The following PAX7 variants were observed in gnomAD, a reference collection of about 807,000 sequenced individuals.
PAX7 encodes the protein paired box protein Pax-7.
A neutral mutation model predicts 50.7 loss-of-function variants in PAX7; 18 were observed. The ratio of observed to expected loss-of-function variants is 0.36; its 90% CI spans 0.25 to 0.53. The LOEUF is 0.53. Among genes scored for constraint, PAX7 ranks in the 20% least tolerant of loss-of-function variants. PAX7 has a pLI of 0.93. For missense variants in PAX7, 644 were observed against 702.9 expected, an observed-to-expected ratio of 0.92 and a Z score of 0.95; for synonymous variants, 310 against 290.4, an observed-to-expected ratio of 1.07 and a Z score of -0.69.
In PAX7 at chr1:18,631,580, G is replaced by T. The variant is rs1253511872; in HGVS notation, c.-24G>T. The T allele has an allele frequency of 6.2e-7, 1 of 1,605,496 alleles. No individual in the cohort carries two copies. The highest frequency in any genetic ancestry group is 8.5e-7 in the Non-Finnish European group (1 of 1,175,674). The stretch of plus-strand genomic sequence containing the variant: ...CGGGAAGCGATTTTTGCCGACTTTG[G>T]ATTCGTCCCCGGCGTGCGCAAGAAT... On this transcript the variant is annotated 5_prime_UTR_variant, in exon 1 of 9. Coordinates refer to ENST00000420770, the MANE Select transcript of PAX7 (RefSeq NM_001135254.2).
chr1:18,679,522 G>A (rs1175310148), intron 4 of PAX7, among the ~76,000 whole-genome samples: 2 of 152,320 alleles, frequency 1.3e-5, no homozygotes, highest in African/African-American at 2.4e-5. Context: ...TGCTGATTTT[G>A]AGACCTCTCC....
intron 7 of PAX7, among the ~76,000 whole-genome samples, chr1:18,711,110 G>A (rs1221918705): frequency 3.9e-5 from 6 of 152,144 alleles, no homozygotes; most frequent in Non-Finnish European, 1.5e-5. Context: ...AGGCCCCATG[G>A]GTAGAAGGAA....
intron 8 of PAX7, among the ~76,000 whole-genome samples, chr1:18,739,115 A>T (rs190909453): frequency 1.0e-3 from 158 of 152,322 alleles, no homozygotes; most frequent in East Asian, 2.1e-3. Context: ...GCACTGGGCA[A>T]AATGCATGCT....
intron 7 of PAX7, among the ~76,000 whole-genome samples, chr1:18,707,704 C>T (rs554288048): frequency 3.9e-5 from 6 of 152,112 alleles, no homozygotes; most frequent in Non-Finnish European, 8.8e-5. Context: ...GGATTACAGG[C>T]ATGAGCCACT....
chr1:18,699,010 C>G (rs936040510), intron 5 of PAX7, among the ~76,000 whole-genome samples: 5 of 152,226 alleles, frequency 3.3e-5, no homozygotes, highest in Middle Eastern at 3.2e-3. Flanking sequence ...CCTTCACCCC[C>G]CATCAGGATG....
chr1:18,739,287 G>A (rs879859560), intron 8 of PAX7, among the ~76,000 whole-genome samples: 3 of 152,220 alleles, frequency 2.0e-5, no homozygotes, highest in Non-Finnish European at 2.9e-5. Flanking sequence ...ACTGAGCAGC[G>A]ATACACACCT....
chr1:18,655,003 A>C (rs917772537), intron 4 of PAX7, among the ~76,000 whole-genome samples: 8 of 152,312 alleles, frequency 5.3e-5, no homozygotes, highest in African/African-American at 1.9e-4. Context: ...CTACAATGCC[A>C]CCGTGATATT....
At chr1:18,643,776 G>A (rs1160568074) in intron 4 of PAX7, among the ~76,000 whole-genome samples, 2 of 152,210 alleles carry the variant, frequency 1.3e-5, no homozygotes. Context: ...AGCACGTCCC[G>A]GCGGCTCGCT....
At chr1:18,652,530 G>A (rs1445119171) in intron 4 of PAX7, among the ~76,000 whole-genome samples, 2 of 152,220 alleles carry the variant, frequency 1.3e-5, no homozygotes, top group Non-Finnish European at 2.9e-5. Flanking sequence ...GGCTATCAGG[G>A]AGGCCTGCCA....
chr1:18,719,743 T>C (rs2089472038), intron 7 of PAX7, among the ~76,000 whole-genome samples: 1 of 152,186 alleles, frequency 6.6e-6, no homozygotes, highest in Admixed American at 6.5e-5. Flanking sequence ...GGACTGTGGC[T>C]CCAACCCCAA....
At chr1:18,730,258 T>C (rs973034753) in intron 7 of PAX7, among the ~76,000 whole-genome samples, 1 of 152,030 alleles carries the variant, frequency 6.6e-6, no homozygotes, top group Non-Finnish European at 1.5e-5. Context: ...TTGCTCAGAG[T>C]CGCAGTTAGT....
At chr1:18,680,823 G>A (rs1316031241) in intron 4 of PAX7, among the ~76,000 whole-genome samples, 4 of 152,162 alleles carry the variant, frequency 2.6e-5, no homozygotes, top group Non-Finnish European at 5.9e-5. Flanking sequence ...ATGAGAACTA[G>A]TGAGTAATTT....
chr1:18,736,110 C>T (rs1193500846), intron 8 of PAX7: 1 of 701,244 alleles, frequency 1.4e-6, no homozygotes, highest in Non-Finnish European at 2.4e-6. Context: ...ATGGCTCCAA[C>T]AGAAATAAAA....
At chr1:18,673,574 T>G (rs2088783600) in intron 4 of PAX7, among the ~76,000 whole-genome samples, 3 of 152,190 alleles carry the variant, frequency 2.0e-5, no homozygotes, top group Admixed American at 2.0e-4. Flanking sequence ...GCAATAATTG[T>G]CCCAGGGTGC....
chr1:18,733,089 T>C (rs1371692999), intron 7 of PAX7, among the ~76,000 whole-genome samples: 1 of 152,012 alleles, frequency 6.6e-6, no homozygotes, highest in East Asian at 1.9e-4. Context: ...GGAAAAGGTC[T>C]AGACTGAGAA....
chr1:18,649,494 C>T (rs2088398767), intron 4 of PAX7, among the ~76,000 whole-genome samples: 1 of 152,136 alleles, frequency 6.6e-6, no homozygotes, highest in African/African-American at 2.4e-5. Context: ...AGAATCTCCT[C>T]TTCTTACCCC....
chr1:18,681,165 A>T (rs933383539), intron 4 of PAX7, among the ~76,000 whole-genome samples: 32 of 1,834 alleles, frequency 0.017, no homozygotes, highest in Middle Eastern at 0.17. Flanking sequence ...AAAACTCCGT[A>T]AAAAAAAAAA....
intron 7 of PAX7, among the ~76,000 whole-genome samples, chr1:18,708,640 C>T (rs7512433): frequency 0.016 from 2,497 of 152,140 alleles, 33 homozygotes; most frequent in Middle Eastern, 0.078. Flanking sequence ...TAATGTGACA[C>T]CTGCAGATTC....
chr1:18,677,976 GGAGGCT>G (rs1557524779), intron 4 of PAX7, among the ~76,000 whole-genome samples: 1 of 151,876 alleles, frequency 6.6e-6, no homozygotes, highest in African/African-American at 2.4e-5. Context: ...CAGCTACTCC[GGAGGCT>G]GAGGCAGGAG....
Sources: allele counts gnomAD v4.1 joint callset (sites outside exome capture counted in the v4.1 genomes callset), GRCh38; gene constraint gnomAD v4.1.1; transcripts MANE v1.5; gene names NCBI Gene and HGNC (gene_info 2026-07-23, HGNC 2026-07-21).